Variants in GRID1 observed in about 807,000 individuals in gnomAD.
GRID1 encodes glutamate receptor ionotropic, delta-1.
GRID1 carries 28 observed loss-of-function variants against 98.0 expected under a neutral mutation model. That is an observed-to-expected ratio of 0.29 (90% CI 0.21 to 0.39). The LOEUF (loss-of-function observed/expected upper bound fraction) is 0.39. GRID1 is among the 10% of genes least tolerant of loss of function. GRID1 has a pLI of 1.00. For synonymous variants in GRID1, 553 were observed against 538.5 expected (o/e 1.03, Z -0.37); for missense variants, 1,111 against 1,340.5 (o/e 0.83, Z 2.67).
At chr10:85,851,026 G>T (rs1380963687) in intron 8 of GRID1, among the ~76,000 whole-genome samples, 1 of 152,118 alleles carries the variant, frequency 6.6e-6, no homozygotes, top group African/African-American at 2.4e-5. Context: ...AGGTGGCCCT[G>T]ACAGATCTGT....
intron 3 of GRID1, among the ~76,000 whole-genome samples, chr10:86,147,888 C>T (rs1845110817): frequency 6.6e-6 from 1 of 152,178 alleles, no homozygotes; most frequent in Non-Finnish European, 1.5e-5. Context: ...ACCAGACAAC[C>T]AAGGACACCT....
At chr10:85,903,405 T>C (rs921598978) in intron 5 of GRID1, among the ~76,000 whole-genome samples, 2 of 152,036 alleles carry the variant, frequency 1.3e-5, no homozygotes, top group Non-Finnish European at 2.9e-5. Flanking sequence ...CCCAAATATA[T>C]TCAGAATCCA....
intron 8 of GRID1, among the ~76,000 whole-genome samples, chr10:85,770,558 A>G (rs1461032294): frequency 1.3e-5 from 2 of 152,192 alleles, no homozygotes; most frequent in African/African-American, 4.8e-5. Context: ...ACCAAAGGCA[A>G]AGAAGTTGAA....
At chr10:86,005,683 C>T (rs1842852432) in intron 4 of GRID1, among the ~76,000 whole-genome samples, 1 of 152,166 alleles carries the variant, frequency 6.6e-6, no homozygotes, top group Admixed American at 6.5e-5. Context: ...GTCAGACAAC[C>T]ATCGCCATTA....
intron 2 of GRID1, among the ~76,000 whole-genome samples, chr10:86,227,641 C>G (rs1179579479): frequency 6.6e-6 from 1 of 151,876 alleles, no homozygotes; most frequent in Non-Finnish European, 1.5e-5. Context: ...TGTCCTTCCT[C>G]ACACGTCTGA....
intron 3 of GRID1, among the ~76,000 whole-genome samples, chr10:86,198,132 C>T (rs74149222): frequency 0.023 from 3,467 of 152,132 alleles, 124 homozygotes; most frequent in East Asian, 0.11. Flanking sequence ...CTTTCTTCCA[C>T]GGAATTTTAC....
intron 4 of GRID1, among the ~76,000 whole-genome samples, chr10:85,956,987 G>A (rs1013660872): frequency 2.3e-4 from 35 of 152,140 alleles, no homozygotes; most frequent in African/African-American, 8.5e-4. Context: ...ATGGTGGAAG[G>A]GGAAGCAAAC....
chr10:86,235,054 G>A (rs560588157), intron 2 of GRID1, among the ~76,000 whole-genome samples: 2 of 152,330 alleles, frequency 1.3e-5, no homozygotes, highest in East Asian at 1.9e-4. Flanking sequence ...CAGCTGCCCA[G>A]TTCAGCCCTC....
chr10:85,802,932 C>T (rs1288900925), intron 8 of GRID1, among the ~76,000 whole-genome samples: 4 of 147,638 alleles, frequency 2.7e-5, no homozygotes, highest in African/African-American at 1.0e-4. Context: ...ATCTAAAAAT[C>T]AAAACAATTG....
intron 2 of GRID1, among the ~76,000 whole-genome samples, chr10:86,275,106 TTTG>T (rs1351975981): frequency 4.6e-5 from 7 of 152,226 alleles, no homozygotes; most frequent in African/African-American, 9.6e-5. Flanking sequence ...TTCTTATTTG[TTTG>T]TTGTTGTTGT....
chr10:85,846,510 T>C (rs1234276150), intron 8 of GRID1, among the ~76,000 whole-genome samples: 1 of 152,012 alleles, frequency 6.6e-6, no homozygotes, highest in Admixed American at 6.6e-5. Flanking sequence ...GGCAACAGAG[T>C]GAGACTGTGT....
intron 2 of GRID1, among the ~76,000 whole-genome samples, chr10:86,222,135 C>T (rs1846265023): frequency 6.6e-6 from 1 of 152,214 alleles, no homozygotes; most frequent in African/African-American, 2.4e-5. Context: ...CATGCCATCT[C>T]ATGGCATCCT....
Position 86,207,408 on chromosome 10 carries a change from G to A in GRID1, c.236-760C>T, listed in dbSNP as rs559270526. Among the ~76,000 whole-genome samples the A allele has an allele frequency of 1.2e-3, 190 of 152,254 alleles. 1 individual carries two copies. The highest frequency in any genetic ancestry group is 4.5e-3 in the African/African-American group (186 of 41,536). On this transcript the variant is annotated intron_variant, in intron 2 of 15. Coordinates refer to ENST00000327946, the MANE Select transcript of GRID1 (RefSeq NM_017551.3). ...GAACACAGCGGACGCTCCAGCAGCCGCTTCTAGGGCTGACACGCTCAGGGG... is the reference window on the plus strand; with the variant it reads ...GAACACAGCGGACGCTCCAGCAGCCACTTCTAGGGCTGACACGCTCAGGGG...
At chr10:85,866,748 G>T (rs779329058) in intron 6 of GRID1, among the ~76,000 whole-genome samples, 1 of 152,136 alleles carries the variant, frequency 6.6e-6, no homozygotes, top group East Asian at 1.9e-4. Context: ...GAACTGAGGC[G>T]CAGAATGATA....
chr10:86,363,131 A>G (rs1282319828), intron 2 of GRID1, among the ~76,000 whole-genome samples: 2 of 152,264 alleles, frequency 1.3e-5, no homozygotes, highest in Non-Finnish European at 2.9e-5. Flanking sequence ...AAGGGGAGGG[A>G]CTAGCAGAGA....
At chr10:85,973,847 G>C (rs1842438064) in intron 4 of GRID1, among the ~76,000 whole-genome samples, 1 of 152,124 alleles carries the variant, frequency 6.6e-6, no homozygotes, top group Non-Finnish European at 1.5e-5. Context: ...AAGAGCATGG[G>C]TTCTGAAGTC....
intron 4 of GRID1, among the ~76,000 whole-genome samples, chr10:85,989,771 G>A (rs564505158): frequency 1.3e-5 from 2 of 152,324 alleles, no homozygotes; most frequent in South Asian, 2.1e-4. Flanking sequence ...GGAAAAGAAA[G>A]CATGATTTTC....
intron 5 of GRID1, among the ~76,000 whole-genome samples, chr10:85,910,874 G>T (rs895998519): frequency 6.6e-6 from 1 of 152,218 alleles, no homozygotes; most frequent in African/African-American, 2.4e-5. Flanking sequence ...CCTTTTGGCA[G>T]AGGCAATGTT....
intron 8 of GRID1, among the ~76,000 whole-genome samples, chr10:85,762,497 C>T (rs954008610): frequency 2.6e-5 from 4 of 152,106 alleles, no homozygotes; most frequent in Admixed American, 6.5e-5. Flanking sequence ...GCTGGGATGT[C>T]CCAGACATTC....
Sources: allele counts gnomAD v4.1 joint callset (sites outside exome capture counted in the v4.1 genomes callset), GRCh38; gene constraint gnomAD v4.1.1; transcripts MANE v1.5; gene names NCBI Gene and HGNC (gene_info 2026-07-23, HGNC 2026-07-21).